Variants in MARCHF1 observed in about 807,000 individuals in gnomAD.
The protein encoded by MARCHF1 is membrane associated ring-CH-type finger 1.
In MARCHF1, 40 loss-of-function variants were observed where a neutral mutation model predicts 54.2. The ratio of observed to expected loss-of-function variants is 0.74; its 90% CI spans 0.57 to 0.96. The LOEUF (loss-of-function observed/expected upper bound fraction) is 0.96. Among genes scored for constraint, MARCHF1 ranks in the 40% least tolerant of loss-of-function variants. MARCHF1 has a pLI of 0.00. For missense variants in MARCHF1, 586 were observed against 656.5 expected, an observed-to-expected ratio of 0.89 and a Z score of 1.17; for synonymous variants, 236 against 236.3, an observed-to-expected ratio of 1.00 and a Z score of 0.01.
intron 4 of MARCHF1, among the ~76,000 whole-genome samples, chr4:163,743,577 C>CTTTTT (rs34675962): frequency 1.6e-5 from 2 of 122,662 alleles, no homozygotes; most frequent in Non-Finnish European, 3.3e-5. Context: ...GATACACCAT[C>CTTTTT]TTTTTTTTTT....
chr4:163,728,300 C>T (rs1745727692), intron 4 of MARCHF1, among the ~76,000 whole-genome samples: 1 of 152,064 alleles, frequency 6.6e-6, no homozygotes, highest in Admixed American at 6.5e-5. Flanking sequence ...ATCAATATTT[C>T]ATTGAATATT....
intron 2 of MARCHF1, among the ~76,000 whole-genome samples, chr4:164,037,687 T>A (rs10001272): frequency 6.6e-6 from 1 of 152,212 alleles, no homozygotes; most frequent in Non-Finnish European, 1.5e-5. Context: ...GAGTACAGTA[T>A]GTAAATGGAT....
At chr4:163,752,872 A>G (rs1746564783) in intron 4 of MARCHF1, among the ~76,000 whole-genome samples, 1 of 152,190 alleles carries the variant, frequency 6.6e-6, no homozygotes, top group Non-Finnish European at 1.5e-5. Flanking sequence ...GCAAGAATGC[A>G]TTGCTATCAC....
intron 5 of MARCHF1, among the ~76,000 whole-genome samples, chr4:163,667,127 G>A (rs1314475855): frequency 6.6e-6 from 1 of 151,950 alleles, no homozygotes; most frequent in African/African-American, 2.4e-5. Context: ...TTCTGATAAG[G>A]CACATCATGA....
chr4:163,871,001 C>A (rs951810264), intron 3 of MARCHF1, among the ~76,000 whole-genome samples: 1 of 152,008 alleles, frequency 6.6e-6, no homozygotes, highest in Non-Finnish European at 1.5e-5. Context: ...ATGTTCCCAA[C>A]AGCAAGAAAT....
chr4:164,190,630 T>C (rs1731100059), intron 1 of MARCHF1, among the ~76,000 whole-genome samples: 1 of 152,186 alleles, frequency 6.6e-6, no homozygotes, highest in Admixed American at 6.5e-5. Context: ...TCATCTGGTG[T>C]AGGAAGTTTT....
In MARCHF1 at chr4:163,684,605, T is replaced by C. The variant is rs1425576675; in HGVS notation, c.162+16208A>G. Among the ~76,000 whole-genome samples the C allele has an allele frequency of 2.6e-5, 4 of 152,360 alleles. No individual in the cohort carries two copies. The East Asian group carries it at 7.7e-4, about 29-fold the overall frequency. On this transcript the variant is annotated intron_variant, in intron 5 of 9. Coordinates refer to ENST00000514618, the MANE Select transcript of MARCHF1 (RefSeq NM_001394959.1). ...ACTCCTATTTCTTCATTTTAAATCA[T>C]GAAATGACCAATATCATGATCAATA...
At chr4:163,541,098 GC>G (rs1373479909) in intron 9 of MARCHF1, among the ~76,000 whole-genome samples, 1 of 152,200 alleles carries the variant, frequency 6.6e-6, no homozygotes, top group East Asian at 1.9e-4. Context: ...ACTAGCTCAA[GC>G]CAGTGTTTAT....
At chr4:164,244,383 G>C (rs1309186514) in intron 1 of MARCHF1, among the ~76,000 whole-genome samples, 1 of 152,040 alleles carries the variant, frequency 6.6e-6, no homozygotes, top group Non-Finnish European at 1.5e-5. Context: ...AATGAAGGCA[G>C]AAATAAAGAT....
chr4:163,695,568 T>C lies in MARCHF1; in HGVS notation c.162+5245A>G, dbSNP rs528848392. ...TGTAAATGAAGTCTAGTGAATGTAA[T>C]AGGAAATGATGGAAACTAACTGAAA... On this transcript the variant is annotated intron_variant, in intron 5 of 9. Coordinates refer to ENST00000514618, the MANE Select transcript of MARCHF1 (RefSeq NM_001394959.1). 2.6e-5 allele frequency among the ~76,000 whole-genome samples: 4 copies of C among 152,276 alleles called. No homozygotes were observed. The East Asian group carries it at 5.8e-4, about 22-fold the overall frequency.
intron 8 of MARCHF1, among the ~76,000 whole-genome samples, chr4:163,556,717 TATA>T: frequency 6.6e-6 from 1 of 152,236 alleles, no homozygotes; most frequent in African/African-American, 2.4e-5. Context: ...CAGTTTTGGA[TATA>T]ATAATACTTT....
intron 4 of MARCHF1, among the ~76,000 whole-genome samples, chr4:163,752,609 T>C (rs569348897): frequency 6.6e-6 from 1 of 152,324 alleles, no homozygotes; most frequent in South Asian, 2.1e-4. Context: ...TTGTAGAATA[T>C]ATAACCAACA....
At chr4:164,194,266 A>T (rs975678134) in intron 1 of MARCHF1, among the ~76,000 whole-genome samples, 6 of 152,182 alleles carry the variant, frequency 3.9e-5, no homozygotes, top group Non-Finnish European at 5.9e-5. Context: ...TTCTGCCTAT[A>T]GCGCCAACAA....
intron 1 of MARCHF1, among the ~76,000 whole-genome samples, chr4:164,340,234 TTTTC>T (rs1729873341): frequency 6.7e-6 from 1 of 149,912 alleles, no homozygotes; most frequent in Non-Finnish European, 1.5e-5. Flanking sequence ...CCAAACTCAT[TTTTC>T]TTTTTTTTTT....
chr4:164,242,728 GA>G (rs1020068795), intron 1 of MARCHF1, among the ~76,000 whole-genome samples: 5 of 152,050 alleles, frequency 3.3e-5, no homozygotes, highest in Non-Finnish European at 7.4e-5. Flanking sequence ...TGAAAACTTT[GA>G]AAAAAATTTA....
intron 1 of MARCHF1, among the ~76,000 whole-genome samples, chr4:164,340,613 G>A (rs1378233429): frequency 6.6e-6 from 1 of 151,294 alleles, no homozygotes; most frequent in Non-Finnish European, 1.5e-5. Context: ...AGTAGAGACA[G>A]GGTTTCACCA....
intron 1 of MARCHF1, among the ~76,000 whole-genome samples, chr4:164,170,290 T>C (rs1730487829): frequency 6.6e-6 from 1 of 152,152 alleles, no homozygotes; most frequent in Admixed American, 6.6e-5. Context: ...AAAGGTCTAC[T>C]TTTTCATGAA....
At chr4:163,781,026 G>A (rs1171848000) in intron 4 of MARCHF1, among the ~76,000 whole-genome samples, 2 of 152,096 alleles carry the variant, frequency 1.3e-5, no homozygotes, top group Non-Finnish European at 2.9e-5. Flanking sequence ...CTTGACTGTT[G>A]GAAGACACAA....
chr4:164,250,052 G>C (rs1175406150), intron 1 of MARCHF1, among the ~76,000 whole-genome samples: 1 of 152,080 alleles, frequency 6.6e-6, no homozygotes, highest in Non-Finnish European at 1.5e-5. Flanking sequence ...CAGGAGCACA[G>C]ATAGTAGCAG....
Sources: gnomAD v4.1 joint callset for allele counts (sites outside exome capture counted in the v4.1 genomes callset) on GRCh38, gnomAD v4.1.1 for gene constraint, MANE v1.5 for transcripts, NCBI Gene and HGNC (gene_info 2026-07-23, HGNC 2026-07-21) for gene names.